The following FAM193A variants were observed in gnomAD, a reference collection of about 807,000 sequenced individuals.
The protein encoded by FAM193A is protein FAM193A.
In FAM193A, 22 loss-of-function variants were observed where a neutral mutation model predicts 126.5. That is an observed-to-expected ratio of 0.17 (90% CI 0.12 to 0.25). The LOEUF (loss-of-function observed/expected upper bound fraction) is 0.25. FAM193A is among the 10% of genes least tolerant of loss of function. The pLI, the probability that FAM193A is intolerant of heterozygous loss-of-function variation, is 1.00. For missense variants in FAM193A, 1,675 were observed against 1,672.8 expected (o/e 1.00, Z -0.02); for synonymous variants, 761 against 646.8 (o/e 1.18, Z -2.68).
chr4:2,552,785 C>T (rs1462891247), intron 1 of FAM193A, among the ~76,000 whole-genome samples: 2 of 151,702 alleles, frequency 1.3e-5, no homozygotes, highest in Non-Finnish European at 2.9e-5. Context: ...GATCCGCCTG[C>T]CTTGGCCTCC....
chr4:2,672,798 G>A (rs1020484572), intron 13 of FAM193A, among the ~76,000 whole-genome samples: 1 of 152,154 alleles, frequency 6.6e-6, no homozygotes, highest in Non-Finnish European at 1.5e-5. Flanking sequence ...GGTCTAAAAT[G>A]TCTATGCTGC....
intron 1 of FAM193A, among the ~76,000 whole-genome samples, chr4:2,588,232 C>G (rs1022687898): frequency 6.6e-6 from 1 of 152,216 alleles, no homozygotes. Flanking sequence ...TCTCAACTTC[C>G]ATCATTAGGC....
chr4:2,729,106 A>G (rs1412600085), intron 20 of FAM193A, among the ~76,000 whole-genome samples: 1 of 151,912 alleles, frequency 6.6e-6, no homozygotes, highest in Non-Finnish European at 1.5e-5. Context: ...CTCTAAAATA[A>G]TAATTGGTCA....
At chr4:2,607,833 C>A in intron 2 of FAM193A, 1 of 586,358 alleles carries the variant, frequency 1.7e-6, no homozygotes, top group Non-Finnish European at 3.0e-6. Context: ...TGTGGGATTT[C>A]TTTATATACA....
intron 2 of FAM193A, among the ~76,000 whole-genome samples, chr4:2,606,315 G>A (rs1234035779): frequency 2.6e-5 from 4 of 152,124 alleles, no homozygotes; most frequent in African/African-American, 9.7e-5. Context: ...CTCCCAAAGT[G>A]TTGGGATTAT....
chr4:2,566,214 A>AT (rs1457353171), intron 1 of FAM193A, among the ~76,000 whole-genome samples: 1 of 151,960 alleles, frequency 6.6e-6, no homozygotes, highest in African/African-American at 2.4e-5. Context: ...CGCCCGGCTA[A>AT]TTTTTTGTAT....
chr4:2,622,257 C>CAAAA (rs71178493), intron 2 of FAM193A, among the ~76,000 whole-genome samples: 32 of 55,564 alleles, frequency 5.8e-4, no homozygotes, highest in African/African-American at 1.8e-3. Context: ...ACCCTGTCTC[C>CAAAA]AAAAAAAAAA....
chr4:2,560,953 C>G (rs1189918142), intron 1 of FAM193A, among the ~76,000 whole-genome samples: 1 of 151,892 alleles, frequency 6.6e-6, no homozygotes, highest in African/African-American at 2.4e-5. Flanking sequence ...GCACCTGGCT[C>G]CCTTTGAGCT....
chr4:2,711,166 T>C (rs1489888314), intron 19 of FAM193A, among the ~76,000 whole-genome samples: 1 of 151,948 alleles, frequency 6.6e-6, no homozygotes, highest in Non-Finnish European at 1.5e-5. Context: ...TGCTTTCTTT[T>C]GTTTTACTTT....
intron 1 of FAM193A, among the ~76,000 whole-genome samples, chr4:2,562,148 A>G: frequency 6.6e-6 from 1 of 152,106 alleles, no homozygotes; most frequent in Non-Finnish European, 1.5e-5. Context: ...TCTTTCGGTC[A>G]AAAGATTTCA....
At position 2,566,342 on chromosome 4, in the gene FAM193A, T is replaced by C. The variant is rs576909287; in HGVS notation, c.255+29172T>C. On this transcript the variant is annotated intron_variant, in intron 1 of 20. Coordinates refer to ENST00000637812, the MANE Select transcript of FAM193A (RefSeq NM_001366318.2). ...GATTATAGGCGTGAGCCACCGCGCC[T>C]GGCCAATGGAAAATTGCTTTTTGAT... Among the ~76,000 whole-genome samples the C allele has an allele frequency of 9.9e-4, 151 of 152,166 alleles. 1 individual carries two copies. Among genetic ancestry groups the C allele is most frequent in the Non-Finnish European group, 1.8e-3 (125 of 67,984 alleles).
At chr4:2,669,486 G>A (rs1018703083) in intron 12 of FAM193A, among the ~76,000 whole-genome samples, 1 of 152,154 alleles carries the variant, frequency 6.6e-6, no homozygotes, top group South Asian at 2.1e-4. Context: ...TCATGTGCTT[G>A]TCATCCCAGC....
chr4:2,596,186 A>G lies in FAM193A; in HGVS notation c.358A>G (p.Ser120Gly). The G allele has an allele frequency of 2.8e-6, 2 of 702,798 alleles. No individual in the cohort carries two copies. The highest frequency in any genetic ancestry group is 1.5e-5 in the South Asian group (1 of 67,598). The allele number at this position is 702,798 out of a possible 1,614,324, so 43.5% of individuals were successfully genotyped here. A position where few individuals can be genotyped will look rare whatever the true frequency, so the allele number is the denominator to read the frequency against. Reference sequence around the variant, plus strand: ...ACGGAAAGACTCATCATTCTTAGAGAGTGGAATTAAGACTGCGAGCAAATT... The same window carrying G: ...ACGGAAAGACTCATCATTCTTAGAGGGTGGAATTAAGACTGCGAGCAAATT... ...SERKDSSFLE[S>G]GIKTASKLAL... The change falls in exon 2 of 21, where the codon AGT (serine) becomes GGT (glycine). Residue 120 changes from serine to glycine, a missense_variant. Ser to Gly is a moderately conservative substitution (Grantham distance 56). Transcript: ENST00000637812.
intron 1 of FAM193A, among the ~76,000 whole-genome samples, chr4:2,579,729 A>G (rs2108875795): frequency 6.6e-6 from 1 of 151,252 alleles, no homozygotes; most frequent in South Asian, 2.1e-4. Context: ...CAGTGAAAAC[A>G]TTGATTTTTC....
intron 1 of FAM193A, among the ~76,000 whole-genome samples, chr4:2,579,232 C>T (rs576682406): frequency 3.8e-4 from 58 of 152,144 alleles, no homozygotes; most frequent in African/African-American, 1.3e-3. Flanking sequence ...CGGTGGCTCA[C>T]GCCTGTAATC....
At chr4:2,706,048 T>C (rs1396500734) in intron 19 of FAM193A, among the ~76,000 whole-genome samples, 4 of 151,788 alleles carry the variant, frequency 2.6e-5, no homozygotes, top group East Asian at 3.9e-4. Flanking sequence ...TCTACAGATA[T>C]TTTTTTTAAA....
intron 1 of FAM193A, among the ~76,000 whole-genome samples, chr4:2,553,474 G>A (rs758718126): frequency 2.0e-5 from 3 of 149,260 alleles, no homozygotes; most frequent in Admixed American, 1.4e-4. Flanking sequence ...TCTGCCTCCC[G>A]GGTTCAAGAG....
intron 13 of FAM193A, among the ~76,000 whole-genome samples, chr4:2,680,435 C>T (rs1714974055): frequency 6.6e-6 from 1 of 152,026 alleles, no homozygotes; most frequent in African/African-American, 2.4e-5. Context: ...TTCCTCCTCC[C>T]TTGGCCCCCC....
chr4:2,690,559 T>C, intron 14 of FAM193A, 139 bp from the exon 15 acceptor site: 2 of 734,826 alleles, frequency 2.7e-6, no homozygotes, highest in South Asian at 3.8e-5. Context: ...TAAAAGCTAG[T>C]TGACTTAGTG....
Sources: allele counts gnomAD v4.1 joint callset (sites outside exome capture counted in the v4.1 genomes callset), GRCh38; gene constraint gnomAD v4.1.1; transcripts MANE v1.5; gene names NCBI Gene and HGNC (gene_info 2026-07-23, HGNC 2026-07-21).